ADGRG4: variants seen among roughly 807,000 people sequenced by gnomAD.
ADGRG4 encodes G protein-coupled receptor 112.
In ADGRG4, 122 loss-of-function variants were observed where a neutral mutation model predicts 126.2. The observed-to-expected ratio is 0.97, with a 90% CI of 0.83 to 1.12. ADGRG4 has a LOEUF of 1.12. Ranked by LOEUF, ADGRG4 falls within the 50% of genes most tolerant of loss-of-function variation. The pLI is 0.00. For synonymous variants in ADGRG4, 943 were observed against 838.7 expected, an observed-to-expected ratio of 1.12 and a Z score of -2.15; for missense variants, 2,481 against 2,251.8, an observed-to-expected ratio of 1.10 and a Z score of -2.06.
At chrX:136,394,917 G>C (rs1358092814) in intron 18 of ADGRG4, among the ~76,000 whole-genome samples, 4 of 111,645 alleles carry the variant, frequency 3.6e-5, no homozygotes, top group Non-Finnish European at 7.5e-5. Context: ...GGCTCTAATT[G>C]GCCCTGCAGA....
rs773473870 is a variant in ADGRG4 at position 136,345,455 on chromosome X, C to T, written c.1749C>T (p.Ala583=). The T allele has an allele frequency of 1.7e-6, 2 of 1,210,102 alleles. No individual in the cohort carries two copies. The highest frequency in any genetic ancestry group is 2.3e-4 in the Middle Eastern group (1 of 4,348). ...TTGATGCTGAAGCTACACGTACAGC[C>T]TTAACTCCTGAAATCACACTTGCAT... ...TVIDAEATRT[A]LTPEITLAST... Residue 583 remains alanine (A), a synonymous_variant, in exon 6 of 26, where the codon GCC becomes GCT. Transcript: ENST00000394143.
chrX:136,399,888 C>G lies in ADGRG4; in HGVS notation c.8347C>G (p.Leu2783Val), dbSNP rs749470116. 5 of 1,206,222 alleles carry G rather than the reference C, an allele frequency of 4.1e-6. No individual in the cohort carries two copies. In the African/African-American group the frequency reaches 5.3e-5, roughly 13 times the overall value. ...KDYPAKILIN[L>V]CTALLMLNLV... is the part of the protein sequence containing the mutation. Reference sequence around the variant, plus strand: ...TTATCCTGCCAAAATTCTGATCAACCTGTGCACAGCACTACTGATGCTAAA... The same window carrying G: ...TTATCCTGCCAAAATTCTGATCAACGTGTGCACAGCACTACTGATGCTAAA... The change falls in exon 21 of 26, where the codon CTG becomes GTG. Residue 2783 changes from leucine to valine, a missense_variant. Coordinates refer to ENST00000394143, the MANE Select transcript of ADGRG4 (RefSeq NM_153834.4).
Position 136,323,340 on chromosome X carries a change from C to T in ADGRG4, c.633C>T (p.Asp211=), listed in dbSNP as rs779603159. 1.1e-5 allele frequency: 13 copies of T among 1,209,179 alleles called. No individual in the cohort carries two copies. Among genetic ancestry groups the T allele is most frequent in the South Asian group, 8.8e-5 (5 of 56,676 alleles). ...GAAATATAGTTAGTTGGGAAGAAGA[C>T]GTCTGGCTTGTCAACAAGATCATCC... The part of the protein sequence containing the change: ...LDGNIVSWEE[D]VWLVNKIIPT... The change falls in exon 5 of 26, where the codon GAC becomes GAT. Residue 211 remains aspartate, a synonymous_variant. Transcript: ENST00000394143.
chrX:136,355,618 A>C (rs1270655921), intron 8 of ADGRG4, among the ~76,000 whole-genome samples: 1 of 111,082 alleles, frequency 9.0e-6, no homozygotes, highest in Non-Finnish European at 1.9e-5. Context: ...TTAACAGCTT[A>C]TTTTATTGAT....
At chrX:136,356,956 T>C (rs2075097577) in intron 9 of ADGRG4, among the ~76,000 whole-genome samples, 1 of 111,960 alleles carries the variant, frequency 8.9e-6, no homozygotes, top group Admixed American at 9.5e-5. Context: ...ACACTATGAT[T>C]GCACCACTGC....
At chrX:136,316,232 G>A (rs549583488) in intron 4 of ADGRG4, among the ~76,000 whole-genome samples, 8 of 111,285 alleles carry the variant, frequency 7.2e-5, no homozygotes, top group African/African-American at 2.6e-4. Flanking sequence ...CCTGAACGTA[G>A]TGCAGGACAG....
chrX:136,331,929 G>T (rs980651573), intron 5 of ADGRG4, among the ~76,000 whole-genome samples: 1 of 107,239 alleles, frequency 9.3e-6, no homozygotes, highest in Admixed American at 1.0e-4. Context: ...CCATTCTCCT[G>T]CCTCAGCCTC....
At position 136,395,553 on chromosome X, in the gene ADGRG4, T is replaced by C. The variant is rs17002616; in HGVS notation, c.8184+60T>C. On this transcript the variant is annotated intron_variant, in intron 19 of 25. Transcript: ENST00000394143. ...TTGACAATTTTTATTAGACCAGTAA[T>C]ATATGTGTGAACTGTTATTAAAAAA... 4,315 of 620,963 alleles carry C rather than the reference T, an allele frequency of 6.9e-3. 118 individuals carry two copies. The African/African-American group carries it at 0.083, about 12-fold the overall frequency. 51.2% of individuals were successfully genotyped at this position (620,963 alleles called of 1,213,427 possible). A position where few individuals can be genotyped will look rare whatever the true frequency, so the allele number is the denominator to read the frequency against.
chrX:136,397,712 G>A (rs778898321), intron 19 of ADGRG4, among the ~76,000 whole-genome samples, 169 bp from the exon 20 acceptor site: 4 of 111,351 alleles, frequency 3.6e-5, no homozygotes, highest in Non-Finnish European at 7.5e-5. Flanking sequence ...GGCATACTCA[G>A]CAAACAATAT....
At chrX:136,395,281 C>T in intron 18 of ADGRG4, 109 bp from the exon 19 acceptor site, 1 of 446,746 alleles carries the variant, frequency 2.2e-6, no homozygotes, top group Non-Finnish European at 3.8e-6. Context: ...CTTGCTATCT[C>T]AGCAAATAAT....
rs765169447 is a variant in ADGRG4 at position 136,345,291 on chromosome X, T to G, written c.1585T>G (p.Ser529Ala). 1 of 1,210,594 alleles carries G rather than the reference T, an allele frequency of 8.3e-7. No individual in the cohort carries two copies. Among genetic ancestry groups the G allele is most frequent in the Non-Finnish European group, 1.1e-6 (1 of 894,719 alleles). Residue 529 changes from serine to alanine, a missense_variant, in exon 6 of 26, where the codon TCT becomes GCT. By Grantham distance (99) the Ser-to-Ala change is moderately conservative. Transcript: ENST00000394143. Reference sequence around the variant, plus strand: ...AAGGACAGCTGAAACAGAATTGACATCTACAAATTTTCAGGATGTCTCTTT... The same window carrying G: ...AAGGACAGCTGAAACAGAATTGACAGCTACAAATTTTCAGGATGTCTCTTT... ...APRTAETELT[S>A]TNFQDVSLPR...
intron 13 of ADGRG4, among the ~76,000 whole-genome samples, chrX:136,364,906 T>C (rs1342191476): frequency 8.9e-6 from 1 of 111,940 alleles, no homozygotes; most frequent in East Asian, 2.8e-4. Flanking sequence ...ACCTAAAGCA[T>C]AAATCCTTGA....
intron 5 of ADGRG4, 107 bp from the exon 6 acceptor site, chrX:136,344,285 T>A: frequency 2.0e-6 from 1 of 510,070 alleles, no homozygotes; most frequent in Non-Finnish European, 3.2e-6. Flanking sequence ...TTTGATTATA[T>A]CTATGATACT....
At chrX:136,351,188 G>T (rs917857594) in intron 6 of ADGRG4, among the ~76,000 whole-genome samples, 1 of 111,531 alleles carries the variant, frequency 9.0e-6, no homozygotes, top group African/African-American at 3.3e-5. Context: ...GAATTGGTGG[G>T]ATTTGTGGAG....
In ADGRG4 at chrX:136,345,960, C is replaced by A; in HGVS notation, c.2254C>A (p.Pro752Thr). ...TGGAACCACATCCATAACCAATATG[C>A]CTGAATTTAAACTTACCACTTTACT... The part of the protein sequence containing the change: ...VSGTTSITNM[P>T]EFKLTTLLLK... The change falls in exon 6 of 26, where the codon CCT becomes ACT. Residue 752 changes from proline (P) to threonine (T), a missense_variant. By Grantham distance (38) the Pro-to-Thr change is conservative. Transcript: ENST00000394143. 1 of 1,209,848 alleles carries A rather than the reference C, an allele frequency of 8.3e-7. No individual in the cohort carries two copies. Among genetic ancestry groups the A allele is most frequent in the Non-Finnish European group, 1.1e-6 (1 of 894,351 alleles).
At chrX:136,404,161 T>C (rs1220145012) in intron 22 of ADGRG4, among the ~76,000 whole-genome samples, 1 of 111,809 alleles carries the variant, frequency 8.9e-6, no homozygotes, top group Non-Finnish European at 1.9e-5. Flanking sequence ...CAAAATTATT[T>C]TGCCCTTTGC....
intron 5 of ADGRG4, among the ~76,000 whole-genome samples, chrX:136,333,825 C>A (rs1054054308): frequency 1.8e-5 from 2 of 112,195 alleles, no homozygotes; most frequent in African/African-American, 3.2e-5. Flanking sequence ...CCTAAAAATT[C>A]TTTTTATATG....
At chrX:136,390,859 A>G (rs2075315899) in intron 16 of ADGRG4, among the ~76,000 whole-genome samples, 1 of 110,996 alleles carries the variant, frequency 9.0e-6, no homozygotes, top group Admixed American at 9.7e-5. Flanking sequence ...GGATCATTAA[A>G]TAACATCTAG....
rs764920574 is a variant in ADGRG4, at chrX:136,329,920, T to C, written c.685+6528T>C. On this transcript the variant is annotated intron_variant, in intron 5 of 25. Coordinates refer to ENST00000394143, the MANE Select transcript of ADGRG4 (RefSeq NM_153834.4). ...CGGGGTCTTGCTATGTTGCCTAGGC[T>C]GGTCATTTACTTTTTATTAACTGAA... Among the ~76,000 whole-genome samples, 70 of 110,744 alleles carry C rather than the reference T, an allele frequency of 6.3e-4. 1 individual carries two copies. Among genetic ancestry groups the C allele is most frequent in the African/African-American group, 2.2e-3 (68 of 30,484 alleles).
Sources: gnomAD v4.1 joint callset for allele counts (sites outside exome capture counted in the v4.1 genomes callset) on GRCh38, gnomAD v4.1.1 for gene constraint, MANE v1.5 for transcripts, NCBI Gene and HGNC (gene_info 2026-07-23, HGNC 2026-07-21) for gene names.